SMS: variants seen among roughly 807,000 people sequenced by gnomAD.
The protein encoded by SMS is spermine synthase, also known as spermidine aminopropyltransferase.
In SMS, 3 loss-of-function variants were observed where a neutral mutation model predicts 33.0. The ratio of observed to expected loss-of-function variants is 0.09; its 90% CI spans 0.04 to 0.23. SMS has a LOEUF of 0.23. Among genes scored for constraint, SMS ranks in the 10% least tolerant of loss-of-function variants. The pLI is 1.00. For synonymous variants in SMS, 103 were observed against 112.2 expected (o/e 0.92, Z 0.52); for missense variants, 117 against 288.6 (o/e 0.41, Z 4.31).
chrX:21,960,611 C>T (rs143088394), intron 1 of SMS, among the ~76,000 whole-genome samples: 1,617 of 111,429 alleles, frequency 0.015, 27 homozygotes, highest in African/African-American at 0.051. Flanking sequence ...TTTAAATGAC[C>T]GTACTAATAC....
chrX:21,969,965 C>T (rs2238965), intron 2 of SMS, among the ~76,000 whole-genome samples: 30,685 of 111,815 alleles, frequency 0.27, 3,145 homozygotes, highest in African/African-American at 0.33. Context: ...AGGCACTCAC[C>T]ACCACATCCA....
intron 1 of SMS, among the ~76,000 whole-genome samples, chrX:21,955,853 C>T (rs1053456981): frequency 8.9e-6 from 1 of 112,004 alleles, no homozygotes; most frequent in African/African-American, 3.2e-5. Context: ...ATATTCCTTC[C>T]AGATGAAAGG....
At chrX:21,945,464 G>A (rs1922149121) in intron 1 of SMS, among the ~76,000 whole-genome samples, 1 of 111,597 alleles carries the variant, frequency 9.0e-6, no homozygotes, top group Non-Finnish European at 1.9e-5. Context: ...TGGGAATTAC[G>A]GGCTTAGCGG....
In SMS at chrX:21,965,022, A is replaced by C. The variant is rs181834254; in HGVS notation, c.50-2174A>C. On this transcript the variant is annotated intron_variant, in intron 1 of 10. Transcript: ENST00000404933. Reference sequence around the variant, plus strand: ...CGCTTCTAGCTGTCCTGGGCTTGGCATGTTGCTCTTAATCACTCCAATCTC... The same window carrying C: ...CGCTTCTAGCTGTCCTGGGCTTGGCCTGTTGCTCTTAATCACTCCAATCTC... Among the ~76,000 whole-genome samples, 10 of 110,956 alleles carry C rather than the reference A, an allele frequency of 9.0e-5. No homozygotes were observed. The East Asian group carries it at 2.9e-3, about 32-fold the overall frequency.
intron 9 of SMS, among the ~76,000 whole-genome samples, chrX:21,986,056 A>C (rs1344476138): frequency 9.1e-6 from 1 of 110,443 alleles, no homozygotes; most frequent in Non-Finnish European, 1.9e-5. Context: ...TGTATTTAAA[A>C]GTCAGGAAGA....
intron 9 of SMS, among the ~76,000 whole-genome samples, chrX:21,988,526 G>A (rs776074076): frequency 3.2e-3 from 346 of 109,591 alleles, no homozygotes; most frequent in Non-Finnish European, 5.2e-3. Flanking sequence ...TTAGCCGGGC[G>A]CGGTGGCAGA....
chrX:21,942,200 T>C (rs1921861006), intron 1 of SMS, among the ~76,000 whole-genome samples: 1 of 111,071 alleles, frequency 9.0e-6, no homozygotes, highest in Admixed American at 9.6e-5. Context: ...GGCTTTTCTC[T>C]TACCATTTTT....
chrX:21,952,451 C>CCTTGTATA (rs1159600591), intron 1 of SMS, among the ~76,000 whole-genome samples: 1 of 98,668 alleles, frequency 1.0e-5, no homozygotes, highest in Non-Finnish European at 2.0e-5. Context: ...GTTGAACTAG[C>CCTTGTATA]CTTGTATACC....
chrX:21,988,597 G>A (rs986077902), intron 9 of SMS, among the ~76,000 whole-genome samples: 2 of 104,156 alleles, frequency 1.9e-5, no homozygotes, highest in Non-Finnish European at 3.9e-5. Flanking sequence ...CCCAGGAGGC[G>A]GAGCTTGCAG....
intron 1 of SMS, among the ~76,000 whole-genome samples, chrX:21,957,754 C>G (rs1923068850): frequency 1.8e-5 from 2 of 112,077 alleles, no homozygotes; most frequent in African/African-American, 6.5e-5. Flanking sequence ...TTTCCTTTCA[C>G]CACATCCACG....
chrX:21,946,899 G>T (rs754891722), intron 1 of SMS, among the ~76,000 whole-genome samples: 19 of 111,610 alleles, frequency 1.7e-4, no homozygotes, highest in South Asian at 3.8e-4. Context: ...TGTTAGGCAG[G>T]GAAGGAGGAT....
chrX:21,955,782 C>G (rs1363273876), intron 1 of SMS, among the ~76,000 whole-genome samples: 1 of 111,963 alleles, frequency 8.9e-6, no homozygotes, highest in Non-Finnish European at 1.9e-5. Context: ...TGCATGATTC[C>G]TTTCAGGAGA....
chrX:21,947,222 C>T (rs1042515724), intron 1 of SMS, among the ~76,000 whole-genome samples: 1 of 111,729 alleles, frequency 9.0e-6, no homozygotes, highest in Non-Finnish European at 1.9e-5. Flanking sequence ...TTATCCTGTC[C>T]CACTACACTT....
rs780514597 is a variant in SMS at position 21,978,156 on chromosome X, T to C, written c.660+42T>C. The C allele has an allele frequency of 2.6e-6, 3 of 1,139,318 alleles. No homozygotes were observed. The Admixed American group carries it at 6.5e-5, about 25-fold the overall frequency. 93.9% of individuals were successfully genotyped at this position (1,139,318 alleles called of 1,213,427 possible). A position where few individuals can be genotyped will look rare whatever the true frequency, so the allele number is the denominator to read the frequency against. ...AAGAGAACAAGTTCAGTGGGCTTCT[T>C]TTGTTTCCTTCCTTCAGTGTCTCAC... On this transcript the variant is annotated intron_variant, in intron 6 of 10. Transcript: ENST00000404933.
At chrX:21,987,786 A>G (rs916220320) in intron 9 of SMS, among the ~76,000 whole-genome samples, 41 of 112,594 alleles carry the variant, frequency 3.6e-4, no homozygotes, top group African/African-American at 1.3e-3. Flanking sequence ...AGGCAGGACA[A>G]AAGAAGACAG....
At chrX:21,993,498 C>T (rs991684471) in intron 10 of SMS, among the ~76,000 whole-genome samples, 3 of 112,695 alleles carry the variant, frequency 2.7e-5, no homozygotes, top group East Asian at 5.6e-4. Context: ...GTTCCTGTGA[C>T]GGCAGGGTTT....
intron 1 of SMS, among the ~76,000 whole-genome samples, chrX:21,953,220 C>T (rs768285120): frequency 3.7e-5 from 4 of 108,206 alleles, no homozygotes; most frequent in Admixed American, 2.0e-4. Flanking sequence ...TTAGGTGCAC[C>T]GGCCCAGTCG....
intron 4 of SMS, among the ~76,000 whole-genome samples, chrX:21,974,533 C>T (rs1192325733): frequency 2.7e-5 from 3 of 111,740 alleles, no homozygotes; most frequent in Non-Finnish European, 5.6e-5. Flanking sequence ...ACAGGTTCCC[C>T]ACTGTCAGAA....
At chrX:21,943,026 A>G (rs1157895519) in intron 1 of SMS, among the ~76,000 whole-genome samples, 1 of 109,375 alleles carries the variant, frequency 9.1e-6, no homozygotes, top group Non-Finnish European at 1.9e-5. Context: ...TTGTTGTTTA[A>G]AGTAGAGACA....
Sources: gnomAD v4.1 joint callset for allele counts (sites outside exome capture counted in the v4.1 genomes callset) on GRCh38, gnomAD v4.1.1 for gene constraint, MANE v1.5 for transcripts, NCBI Gene and HGNC (gene_info 2026-07-23, HGNC 2026-07-21) for gene names.